RYR3: variants seen among roughly 807,000 people sequenced by gnomAD.
The protein encoded by RYR3 is ryanodine receptor 3.
In RYR3, 207 loss-of-function variants were observed where a neutral mutation model predicts 584.3. The ratio of observed to expected loss-of-function variants is 0.35; its 90% CI spans 0.32 to 0.40. The LOEUF is 0.40. Among genes scored for constraint, RYR3 ranks in the 10% least tolerant of loss-of-function variants. RYR3 has a pLI of 1.00. For missense variants in RYR3, 5,616 were observed against 6,089.2 expected, an observed-to-expected ratio of 0.92 and a Z score of 2.59; for synonymous variants, 2,416 against 2,248.5, an observed-to-expected ratio of 1.07 and a Z score of -2.11.
intron 44 of RYR3, 81 bp downstream of exon 44, chr15:33,722,976 G>A: frequency 1.6e-6 from 2 of 1,260,882 alleles, no homozygotes; most frequent in Non-Finnish European, 2.2e-6. Flanking sequence ...GATTTAGGAG[G>A]TAATAGAGAA....
intron 42 of RYR3, among the ~76,000 whole-genome samples, chr15:33,705,056 A>T (rs6495218): frequency 6.6e-6 from 1 of 151,264 alleles, no homozygotes; most frequent in Non-Finnish European, 1.5e-5. Context: ...CCCTACCCCA[A>T]CACATACACA....
At chr15:33,409,821 G>A (rs2043280773) in intron 1 of RYR3, among the ~76,000 whole-genome samples, 1 of 152,106 alleles carries the variant, frequency 6.6e-6, no homozygotes, top group African/African-American at 2.4e-5. Flanking sequence ...AACTTGTCTT[G>A]TAGACTAAAA....
chr15:33,473,106 G>T (rs1470773197), intron 1 of RYR3, among the ~76,000 whole-genome samples: 2 of 151,930 alleles, frequency 1.3e-5, no homozygotes, highest in African/African-American at 4.8e-5. Context: ...TTTCATATTT[G>T]CCCAAATGTT....
intron 1 of RYR3, among the ~76,000 whole-genome samples, chr15:33,383,669 A>G (rs189550283): frequency 1.1e-4 from 17 of 152,212 alleles, no homozygotes; most frequent in Admixed American, 1.0e-3. Flanking sequence ...ATAGTACCCA[A>G]TAGGTAGTAT....
intron 16 of RYR3, among the ~76,000 whole-genome samples, chr15:33,589,758 A>G (rs597850): frequency 0.69 from 105,582 of 152,130 alleles, 37,226 homozygotes; most frequent in African/African-American, 0.83. Context: ...CTTTGTCAGA[A>G]ATCAGTTGGC....
At chr15:33,336,989 T>TG (rs1289617217) in intron 1 of RYR3, among the ~76,000 whole-genome samples, 1 of 119,444 alleles carries the variant, frequency 8.4e-6, no homozygotes, top group Non-Finnish European at 1.6e-5. Context: ...ACCTGGGAGG[T>TG]GGAGCTTGCA....
chr15:33,736,921 G>C (rs1347611145), intron 49 of RYR3, among the ~76,000 whole-genome samples: 1 of 151,892 alleles, frequency 6.6e-6, no homozygotes, highest in African/African-American at 2.4e-5. Context: ...GCTAATTTTT[G>C]TGTGTTTGTT....
chr15:33,606,518 A>C (rs2059913768), intron 18 of RYR3, among the ~76,000 whole-genome samples: 1 of 152,214 alleles, frequency 6.6e-6, no homozygotes, highest in South Asian at 2.1e-4. Flanking sequence ...GGGGAGAAGC[A>C]GCCTTAATAG....
chr15:33,689,752 G>A (rs1322297619), intron 38 of RYR3, among the ~76,000 whole-genome samples: 1 of 148,508 alleles, frequency 6.7e-6, no homozygotes, highest in Admixed American at 6.9e-5. Flanking sequence ...TACTATAGGA[G>A]TTATACCTTC....
intron 1 of RYR3, among the ~76,000 whole-genome samples, chr15:33,345,631 C>G (rs891859557): frequency 1.3e-5 from 2 of 152,158 alleles, no homozygotes; most frequent in African/African-American, 4.8e-5. Context: ...AGAGTACAGA[C>G]TTTGTATTCT....
chr15:33,813,944 C>T (rs991857466), intron 74 of RYR3, among the ~76,000 whole-genome samples: 5 of 152,200 alleles, frequency 3.3e-5, no homozygotes, highest in African/African-American at 1.2e-4. Context: ...ATTCCATCAA[C>T]AGTTCCAATA....
intron 72 of RYR3, 134 bp downstream of exon 72, chr15:33,811,171 G>T: frequency 1.3e-6 from 1 of 765,626 alleles, no homozygotes; most frequent in Non-Finnish European, 2.2e-6. Flanking sequence ...TGTTTAATTG[G>T]TAGGACTAGC....
intron 43 of RYR3, among the ~76,000 whole-genome samples, chr15:33,710,364 G>C: frequency 8.3e-6 from 1 of 121,006 alleles, no homozygotes; most frequent in East Asian, 2.4e-4. Context: ...TTTTTTTTGA[G>C]ACAGGGTCTT....
chr15:33,710,961 G>A (rs557565333), intron 43 of RYR3, among the ~76,000 whole-genome samples: 287 of 152,328 alleles, frequency 1.9e-3, no homozygotes, highest in Non-Finnish European at 3.4e-3. Context: ...GAAGGTCTCT[G>A]AAATGCCTTT....
chr15:33,716,004 C>T (rs2067467126), intron 43 of RYR3, among the ~76,000 whole-genome samples: 1 of 152,110 alleles, frequency 6.6e-6, no homozygotes, highest in Non-Finnish European at 1.5e-5. Context: ...GGGCAGATGC[C>T]TCTTGGCTTG....
intron 1 of RYR3, among the ~76,000 whole-genome samples, chr15:33,466,763 T>TTA (rs1475703241): frequency 1.3e-5 from 2 of 152,236 alleles, no homozygotes. Flanking sequence ...AGCATATTTG[T>TTA]TAATATAAGT....
Position 33,857,843 on chromosome 15 carries a change from T to C in RYR3, c.14071T>C (p.Phe4691Leu), listed in dbSNP as rs1381410281. The C allele has an allele frequency of 6.2e-7, 1 of 1,614,094 alleles. No homozygotes were observed. Among genetic ancestry groups the C allele is most frequent in the East Asian group, 2.2e-5 (1 of 44,896 alleles). ...VYLYTVVAFN[F>L]FRKFYNKSED... The stretch of plus-strand genomic sequence containing the variant: ...TCTCTATACTGTGGTGGCTTTCAAC[T>C]TCTTCCGCAAGTTCTACAACAAAAG... Residue 4691 changes from phenylalanine (F) to leucine (L), a missense_variant, in exon 99 of 104, where the codon TTC becomes CTC. Around this residue, in one of 9 missense-constraint regions of RYR3, gnomAD observed 918 missense variants for 887.4 expected, o/e 1.03. Transcript: ENST00000634891.
intron 1 of RYR3, among the ~76,000 whole-genome samples, chr15:33,403,138 G>A (rs570106132): frequency 6.0e-4 from 91 of 152,318 alleles, no homozygotes; most frequent in African/African-American, 2.0e-3. Context: ...TAAAGACTTC[G>A]TTTCTGAACC....
chr15:33,413,346 TC>T (rs1596028541), intron 1 of RYR3, among the ~76,000 whole-genome samples: 2 of 152,174 alleles, frequency 1.3e-5, no homozygotes, highest in African/African-American at 4.8e-5. Context: ...AAGTGTGACT[TC>T]CAAAAAGGTG....
Sources: allele counts gnomAD v4.1 joint callset (sites outside exome capture counted in the v4.1 genomes callset), GRCh38; gene constraint gnomAD v4.1.1; regional missense constraint gnomAD v4.1.1; transcripts MANE v1.5; gene names NCBI Gene and HGNC (gene_info 2026-07-23, HGNC 2026-07-21).